BCL11B: variants seen among roughly 807,000 people sequenced by gnomAD.
BCL11B encodes B-cell lymphoma/leukemia 11B.
A neutral mutation model predicts 49.9 loss-of-function variants in BCL11B; 8 were observed. That is an observed-to-expected ratio of 0.16 (90% CI 0.09 to 0.29). The LOEUF (loss-of-function observed/expected upper bound fraction) is 0.29. BCL11B is among the 10% of genes least tolerant of loss of function. BCL11B has a pLI of 1.00. For missense variants in BCL11B, 1,006 were observed against 1,351.0 expected (o/e 0.74, Z 4.00); for synonymous variants, 739 against 637.4 (o/e 1.16, Z -2.40).
chr14:99,236,885 T>C (rs752991324), intron 2 of BCL11B, among the ~76,000 whole-genome samples: 117 of 152,332 alleles, frequency 7.7e-4, no homozygotes, highest in Non-Finnish European at 8.5e-4. Context: ...CAGTATTAGC[T>C]GGTAAAATGA....
intron 3 of BCL11B, among the ~76,000 whole-genome samples, chr14:99,214,535 G>A (rs1426616629): frequency 2.0e-5 from 3 of 151,182 alleles, no homozygotes; most frequent in Non-Finnish European, 4.4e-5. Context: ...TCCAGCCTGG[G>A]TGACAGAGCA....
At position 99,257,825 on chromosome 14, in the gene BCL11B, C is replaced by A. The variant is rs1445671249; in HGVS notation, c.73G>T (p.Val25Leu). 1.9e-6 allele frequency: 3 copies of A among 1,538,748 alleles called. No homozygotes were observed. Among genetic ancestry groups the A allele is most frequent in the Non-Finnish European group, 2.6e-6 (3 of 1,139,406 alleles). The change falls in exon 2 of 4, where the codon GTG becomes TTG. Residue 25 changes from valine (V) to leucine (L), a missense_variant. By Grantham distance (32) the Val-to-Leu change is conservative. Transcript: ENST00000357195. The surrounding 1 kb of genome is among the most constrained non-coding windows in gnomAD (Gnocchi z 6.2). ...RELITPEADHVEAAILEEDEG... is the reference protein window; with the variant it reads ...RELITPEADHLEAAILEEDEG... ...TCTTCTTCGAGGATGGCGGCCTCCA[C>A]ATGGTCAGCCTCTGCTGGAGACAGA...
At chr14:99,227,537 G>A (rs1392360042) in intron 3 of BCL11B, among the ~76,000 whole-genome samples, 1 of 152,170 alleles carries the variant, frequency 6.6e-6, no homozygotes, top group Non-Finnish European at 1.5e-5. Context: ...AAGCCCAGGA[G>A]TGTCCAAACC....
chr14:99,199,679 T>TGTGTGTGC (rs1887297688), intron 3 of BCL11B, among the ~76,000 whole-genome samples: 1 of 69,906 alleles, frequency 1.4e-5, no homozygotes, highest in South Asian at 3.7e-4. Flanking sequence ...TGTGTGTGTG[T>TGTGTGTGC]GTGTGCGCGC....
chr14:99,242,400 G>T lies in BCL11B; in HGVS notation c.428-10843C>A, dbSNP rs116512379. Among the ~76,000 whole-genome samples, 1 of 152,166 alleles carries T rather than the reference G, an allele frequency of 6.6e-6. No homozygotes were observed. The highest frequency in any genetic ancestry group is 1.5e-5 in the Non-Finnish European group (1 of 68,038). On this transcript the variant is annotated intron_variant, in intron 2 of 3. Coordinates refer to ENST00000357195, the MANE Select transcript of BCL11B (RefSeq NM_138576.4). The surrounding 1 kb of genome is among the most constrained non-coding windows in gnomAD (Gnocchi z 4.4). Reference sequence around the variant, plus strand: ...CCAGCCGTGGAGAGGGGAATATCACGGCCTTCCTTGCCCAGCCTTGCATGC... The same window carrying T: ...CCAGCCGTGGAGAGGGGAATATCACTGCCTTCCTTGCCCAGCCTTGCATGC...
rs1886481825 is a variant in BCL11B at position 99,175,578 on chromosome 14, GGGGCGGCGTGCCGCCAGGGGGCAT to G, written c.1234_1257del (p.Met412_Pro419del). The G allele has an allele frequency of 1.3e-6, 2 of 1,585,144 alleles. No individual in the cohort carries two copies. Reference sequence around the variant, plus strand: ...GACTTGCTCTTGGCTGGCGGCTGCGGGGGCGGCGTGCCGCCAGGGGGCATGGGCGGCAGCGGCGGCGTGCTCAGG... The same window carrying G: ...GACTTGCTCTTGGCTGGCGGCTGCGGGGGCGGCAGCGGCGGCGTGCTCAGG... On this transcript the variant is annotated inframe_deletion, in exon 4 of 4. Transcript: ENST00000357195.
chr14:99,235,969 G>A (rs1183370560), intron 2 of BCL11B, among the ~76,000 whole-genome samples: 3 of 152,154 alleles, frequency 2.0e-5, no homozygotes, highest in African/African-American at 7.2e-5. Flanking sequence ...GAGGGCGATT[G>A]ATGGCTGTTT....
chr14:99,214,087 G>A (rs1340356410), intron 3 of BCL11B, among the ~76,000 whole-genome samples: 1 of 152,114 alleles, frequency 6.6e-6, no homozygotes, highest in Middle Eastern at 3.2e-3. Flanking sequence ...TGACCCCCTT[G>A]GTGAAACAGC....
chr14:99,222,980 A>G (rs1234235661), intron 3 of BCL11B, among the ~76,000 whole-genome samples: 1 of 152,140 alleles, frequency 6.6e-6, no homozygotes, highest in Admixed American at 6.5e-5. Context: ...TGAGCGTTTG[A>G]CATAAATAAT....
chr14:99,182,609 G>A (rs569742394), intron 3 of BCL11B, among the ~76,000 whole-genome samples: 2 of 152,306 alleles, frequency 1.3e-5, no homozygotes, highest in African/African-American at 2.4e-5. Context: ...ACCTTTCAAA[G>A]CAAGTGGCCC....
At chr14:99,204,639 G>A (rs60378373) in intron 3 of BCL11B, among the ~76,000 whole-genome samples, 6,279 of 152,222 alleles carry the variant, frequency 0.041, 656 homozygotes, top group East Asian at 0.35. Flanking sequence ...ACCTCCCAGG[G>A]GCCAGGCCAG....
chr14:99,202,664 T>TGTC (rs1361331557), intron 3 of BCL11B, among the ~76,000 whole-genome samples: 1 of 152,154 alleles, frequency 6.6e-6, no homozygotes, highest in Non-Finnish European at 1.5e-5. Flanking sequence ...AGAGGCCACC[T>TGTC]GTCGTCGGCC....
chr14:99,253,180 T>G (rs1350427657), intron 2 of BCL11B, among the ~76,000 whole-genome samples: 1 of 152,230 alleles, frequency 6.6e-6, no homozygotes, highest in Admixed American at 6.5e-5. Flanking sequence ...GTGATGGGGC[T>G]GGGATTCCAC....
rs187293980 is a variant in BCL11B, at chr14:99,231,932, T to G, written c.428-375A>C. Among the ~76,000 whole-genome samples, 275 of 152,118 alleles carry G rather than the reference T, an allele frequency of 1.8e-3. 2 individuals are homozygous for G. Among genetic ancestry groups the G allele is most frequent in the African/African-American group, 6.3e-3 (260 of 41,522 alleles). ...ATCAAATAGGTTCCATTTGGGGATT[T>G]GTTTCCAAAACTTCGGGCTACCCCT... On this transcript the variant is annotated intron_variant, in intron 2 of 3. Coordinates refer to ENST00000357195, the MANE Select transcript of BCL11B (RefSeq NM_138576.4). This position sits in a 1 kb window ranked among gnomAD's most constrained non-coding sequence, Gnocchi z 8.1.
At position 99,211,159 on chromosome 14, in the gene BCL11B, A is replaced by G. The variant is rs192254925; in HGVS notation, c.640+20186T>C. Among the ~76,000 whole-genome samples the G allele has an allele frequency of 3.9e-5, 6 of 152,266 alleles. No homozygotes were observed. In the East Asian group the frequency reaches 1.2e-3, roughly 29 times the overall value. On this transcript the variant is annotated intron_variant, in intron 3 of 3. Transcript: ENST00000357195. The stretch of plus-strand genomic sequence containing the variant: ...GAGGAAACTGAGGCTGGAAGATGGA[A>G]GTGGGGGCCAAAGTCATCCAGTTAA...
At chr14:99,217,320 G>A (rs1333081215) in intron 3 of BCL11B, among the ~76,000 whole-genome samples, 2 of 150,958 alleles carry the variant, frequency 1.3e-5, no homozygotes, top group African/African-American at 4.9e-5. Context: ...ACATATACAC[G>A]TGTACACGCA....
intron 3 of BCL11B, among the ~76,000 whole-genome samples, chr14:99,193,309 T>C (rs1595232956): frequency 1.3e-5 from 2 of 152,176 alleles, no homozygotes; most frequent in Admixed American, 6.5e-5. Context: ...TAACATGTGA[T>C]TATAAAAAAA....
chr14:99,271,073 G>T, intron 1 of BCL11B, 88 bp downstream of exon 1: 1 of 1,379,332 alleles, frequency 7.2e-7, no homozygotes, highest in Non-Finnish European at 9.5e-7. Context: ...CGCCTGGCCA[G>T]GCTCGGCTGT....
At chr14:99,185,972 C>T (rs763610518) in intron 3 of BCL11B, among the ~76,000 whole-genome samples, 5 of 152,194 alleles carry the variant, frequency 3.3e-5, no homozygotes, top group East Asian at 3.8e-4. Context: ...CACAGATGCA[C>T]GATGTGTCTA....
Sources: gnomAD v4.1 joint callset for allele counts (sites outside exome capture counted in the v4.1 genomes callset) on GRCh38, gnomAD v4.1.1 for gene constraint, Gnocchi (gnomAD v3.1) non-coding constraint, MANE v1.5 for transcripts, NCBI Gene and HGNC (gene_info 2026-07-23, HGNC 2026-07-21) for gene names.